KDM3B: variants seen among roughly 807,000 people sequenced by gnomAD.
KDM3B encodes lysine demethylase 3B, also known as lysine-specific demethylase 3B.
Under a neutral mutation model 170.0 loss-of-function variants are expected in KDM3B, and 10 were observed. The observed-to-expected ratio is 0.06, with a 90% CI of 0.04 to 0.10. The LOEUF (loss-of-function observed/expected upper bound fraction) is 0.10, where lower values mean the gene tolerates loss of function less well. Ranked by LOEUF, KDM3B falls within the 10% of genes least tolerant of loss-of-function variation. The pLI is 1.00. For synonymous variants in KDM3B, 831 were observed against 834.8 expected (o/e 1.00, Z 0.08); for missense variants, 1,394 against 2,195.2 (o/e 0.64, Z 7.29).
At chr5:138,412,591 C>G (rs1763000875) in intron 11 of KDM3B, among the ~76,000 whole-genome samples, 1 of 151,086 alleles carries the variant, frequency 6.6e-6, no homozygotes, top group African/African-American at 2.4e-5. Context: ...GAGGTTGAGG[C>G]TGCAGTGAGC....
At chr5:138,359,507 G>A (rs11242423) in intron 1 of KDM3B, among the ~76,000 whole-genome samples, 56,700 of 135,134 alleles carry the variant, frequency 0.42, 11,573 homozygotes, top group East Asian at 0.6. Flanking sequence ...GGGTCTCACA[G>A]TTTTGCCCAG....
At chr5:138,388,962 T>G (rs1334510212) in intron 7 of KDM3B, among the ~76,000 whole-genome samples, 1 of 152,272 alleles carries the variant, frequency 6.6e-6, no homozygotes, top group African/African-American at 2.4e-5. Flanking sequence ...GATTTGGAAT[T>G]TAATCATTTG....
intron 7 of KDM3B, among the ~76,000 whole-genome samples, chr5:138,388,861 C>T (rs1762352532): frequency 6.6e-6 from 1 of 152,152 alleles, no homozygotes; most frequent in Admixed American, 6.5e-5. Context: ...ATTACAATGG[C>T]TGATCTAAAA....
intron 9 of KDM3B, chr5:138,397,885 T>A: frequency 4.8e-6 from 1 of 209,670 alleles, no homozygotes. Context: ...AATTGGAAAG[T>A]AGGTCTGTGT....
Position 138,352,847 on chromosome 5 carries a change from G to A in KDM3B, c.52G>A (p.Ala18Thr). Residue 18 changes from alanine to threonine, a missense_variant, in exon 1 of 24, where the codon GCG becomes ACG. Physicochemically the swap from Ala to Thr is moderately conservative, Grantham distance 58. Coordinates refer to ENST00000314358, the MANE Select transcript of KDM3B (RefSeq NM_016604.4). ...PVGKRLLLLF[A>T]DTAASASASA... is the part of the protein sequence containing the mutation. ...GGGCAAGCGGCTGCTGCTGCTGTTCGCGGACACTGCGGCCTCAGCCTCGGC... is the reference window on the plus strand; with the variant it reads ...GGGCAAGCGGCTGCTGCTGCTGTTCACGGACACTGCGGCCTCAGCCTCGGC... 7.3e-7 allele frequency: 1 copy of A among 1,370,784 alleles called. No homozygotes were observed. The highest frequency in any genetic ancestry group is 2.9e-5 in the Admixed American group (1 of 34,008). The allele number at this position is 1,370,784 out of a possible 1,614,324, so 84.9% of individuals were successfully genotyped here. A position where few individuals can be genotyped will look rare whatever the true frequency, so the allele number is the denominator to read the frequency against.
Position 138,358,302 on chromosome 5 carries a change from C to CTTTTTTTTT in KDM3B, c.192+5318_192+5319insTTTTTTTTT, listed in dbSNP as rs201804669. ...CGGCGGGAATTTTTTTTCTTTCTTT[C>CTTTTTTTTT]TTTCTTTTTTTTTTTTTTTTGAGAC... is the stretch of plus-strand genomic sequence containing the variant. On this transcript the variant is annotated intron_variant, in intron 1 of 23. Transcript: ENST00000314358. 2.0e-4 allele frequency among the ~76,000 whole-genome samples: 22 copies of CTTTTTTTTT among 109,830 alleles called. 1 individual carries two copies. Among genetic ancestry groups the CTTTTTTTTT allele is most frequent in the Non-Finnish European group, 3.4e-4 (19 of 55,270 alleles). The allele number at this position is 109,830 out of a possible 152,430, so 72.1% of individuals were successfully genotyped here. A position where few individuals can be genotyped will look rare whatever the true frequency, so the allele number is the denominator to read the frequency against.
chr5:138,372,599 G>A (rs1761901269), intron 1 of KDM3B, 75 bp from the exon 2 acceptor site: 15 of 1,256,142 alleles, frequency 1.2e-5, no homozygotes, highest in East Asian at 2.4e-5. Context: ...AAAACAGTGG[G>A]GTTTATGTTC....
intron 17 of KDM3B, 51 bp from the exon 18 acceptor site, chr5:138,426,924 G>A (rs777895085): frequency 1.3e-5 from 18 of 1,375,116 alleles, no homozygotes; most frequent in Non-Finnish European, 1.8e-5. Flanking sequence ...GTTGAAAATC[G>A]GACACCAGCC....
In KDM3B at chr5:138,367,453, A is replaced by G. The variant is rs185479080; in HGVS notation, c.193-5221A>G. On this transcript the variant is annotated intron_variant, in intron 1 of 23. Transcript: ENST00000314358. The stretch of plus-strand genomic sequence containing the variant: ...AGATTACTACCATCTGATTTTGTCA[A>G]ACTTAGGATAATATATTTTATTTTT... Among the ~76,000 whole-genome samples, 206 of 152,336 alleles carry G rather than the reference A, an allele frequency of 1.4e-3. 1 individual carries two copies. The highest frequency in any genetic ancestry group is 4.5e-3 in the African/African-American group (188 of 41,576).
At chr5:138,416,093 GATA>G (rs1763096964) in intron 12 of KDM3B, among the ~76,000 whole-genome samples, 1 of 152,132 alleles carries the variant, frequency 6.6e-6, no homozygotes, top group Non-Finnish European at 1.5e-5. Context: ...TCCAGCTGAA[GATA>G]ATAAGATATC....
chr5:138,365,290 C>T (rs372488890), intron 1 of KDM3B, among the ~76,000 whole-genome samples: 1 of 151,972 alleles, frequency 6.6e-6, no homozygotes, highest in African/African-American at 2.4e-5. Context: ...GACAAAGTTT[C>T]GCTCTTGTCT....
At chr5:138,396,230 G>C (rs1762542688) in intron 9 of KDM3B, among the ~76,000 whole-genome samples, 1 of 151,974 alleles carries the variant, frequency 6.6e-6, no homozygotes, top group Admixed American at 6.6e-5. Context: ...CGAGTAGCTG[G>C]GACTACAGGT....
chr5:138,422,915 A>G (rs185630946), intron 15 of KDM3B, among the ~76,000 whole-genome samples: 2 of 152,126 alleles, frequency 1.3e-5, no homozygotes, highest in East Asian at 1.9e-4. Context: ...CCTCTATACA[A>G]TTTGGGTTAT....
At chr5:138,408,930 C>T (rs1383560719) in intron 11 of KDM3B, among the ~76,000 whole-genome samples, 1 of 151,960 alleles carries the variant, frequency 6.6e-6, no homozygotes, top group African/African-American at 2.4e-5. Flanking sequence ...TTTCAGGGGG[C>T]CATAATACAT....
At chr5:138,412,497 T>A (rs1762997467) in intron 11 of KDM3B, among the ~76,000 whole-genome samples, 1 of 151,856 alleles carries the variant, frequency 6.6e-6, no homozygotes, top group South Asian at 2.1e-4. Flanking sequence ...ACAAAAAAAA[T>A]TTAAAAATTA....
intron 1 of KDM3B, among the ~76,000 whole-genome samples, chr5:138,368,762 G>A (rs1373721057): frequency 5.3e-5 from 8 of 152,140 alleles, no homozygotes; most frequent in Admixed American, 1.3e-4. Flanking sequence ...GTAGTACAGG[G>A]TTGTTTCAGA....
chr5:138,377,484 G>A (rs1185731093), intron 3 of KDM3B, among the ~76,000 whole-genome samples: 5 of 152,264 alleles, frequency 3.3e-5, no homozygotes, highest in South Asian at 2.1e-4. Flanking sequence ...ATGCAATGGC[G>A]CAGCCATACC....
rs1434966725 is a variant in KDM3B, at chr5:138,396,189, G to A, written c.2832-1989G>A. On this transcript the variant is annotated intron_variant, in intron 9 of 23. Transcript: ENST00000314358. ...TGGCTCACTGCAATCTCCGCCTCCC[G>A]GGTTCACGCCATTCTCCTGCCTCAG... is the stretch of plus-strand genomic sequence containing the variant. Among the ~76,000 whole-genome samples, 11 of 151,710 alleles carry A rather than the reference G, an allele frequency of 7.3e-5. No individual in the cohort carries two copies. The South Asian group carries it at 2.1e-3, about 29-fold the overall frequency.
At chr5:138,429,655 T>C (rs1466472868) in intron 20 of KDM3B, among the ~76,000 whole-genome samples, 171 bp from the exon 21 acceptor site, 2 of 152,232 alleles carry the variant, frequency 1.3e-5, no homozygotes, top group Non-Finnish European at 2.9e-5. Flanking sequence ...GAAGGTTTAA[T>C]GTTGTTCTGT....
Sources: allele counts gnomAD v4.1 joint callset (sites outside exome capture counted in the v4.1 genomes callset), GRCh38; gene constraint gnomAD v4.1.1; transcripts MANE v1.5; gene names NCBI Gene and HGNC (gene_info 2026-07-23, HGNC 2026-07-21).